PRPH2: variants seen among roughly 807,000 people sequenced by gnomAD.
PRPH2 encodes the protein peripherin 2, also known as peripherin-2.
In PRPH2, 17 loss-of-function variants were observed where a neutral mutation model predicts 31.3. The observed-to-expected ratio is 0.54, with a 90% CI of 0.37 to 0.81. The LOEUF (loss-of-function observed/expected upper bound fraction) is 0.81, where lower values mean the gene tolerates loss of function less well. Among genes scored for constraint, PRPH2 ranks in the 40% least tolerant of loss-of-function variants. PRPH2 has a pLI of 0.00. For missense variants in PRPH2, 430 were observed against 439.7 expected (o/e 0.98, Z 0.20); for synonymous variants, 165 against 184.4 (o/e 0.89, Z 0.85).
chr6:42,711,435 C>G (rs1359135022), intron 1 of PRPH2, among the ~76,000 whole-genome samples: 1 of 152,164 alleles, frequency 6.6e-6, no homozygotes, highest in East Asian at 1.9e-4. Flanking sequence ...CTCAGGCAGC[C>G]CCAGTCTGAG....
rs1000148371 is a variant in PRPH2, at chr6:42,722,531, G to A, written c.-197C>T. The stretch of plus-strand genomic sequence containing the variant: ...ATGCAGTAGTGGTGGCAGGGGTCTC[G>A]GAATCACAGCTTGAGCAGGGGATAG... On this transcript the variant is annotated 5_prime_UTR_variant, in exon 1 of 3. Coordinates refer to ENST00000230381, the MANE Select transcript of PRPH2 (RefSeq NM_000322.5). The surrounding 1 kb of genome is among the most constrained non-coding windows in gnomAD (Gnocchi z 4.4). 32 of 1,455,172 alleles carry A rather than the reference G, an allele frequency of 2.2e-5. No individual in the cohort carries two copies. The highest frequency in any genetic ancestry group is 7.5e-5 in the East Asian group (3 of 39,770). The allele number at this position is 1,455,172 out of a possible 1,614,324, so 90.1% of individuals were successfully genotyped here. A position where few individuals can be genotyped will look rare whatever the true frequency, so the allele number is the denominator to read the frequency against.
intron 1 of PRPH2, among the ~76,000 whole-genome samples, chr6:42,706,050 G>A (rs895644084): frequency 6.6e-6 from 1 of 151,630 alleles, no homozygotes; most frequent in African/African-American, 2.4e-5. Context: ...GTGGGCAGAC[G>A]ACCTGAGGTC....
At chr6:42,708,504 T>TACTGGCCCTCTGGAGGGGCCAGTAGCC (rs1800214532) in intron 1 of PRPH2, among the ~76,000 whole-genome samples, 1 of 152,200 alleles carries the variant, frequency 6.6e-6, no homozygotes, top group Non-Finnish European at 1.5e-5. Context: ...CGCTCCCCTC[T>TACTGGCCCTCTGGAGGGGCCAGTAGCC]ACTGGCCCTC....
At chr6:42,702,084 T>C (rs1800055570) in intron 2 of PRPH2, among the ~76,000 whole-genome samples, 1 of 151,846 alleles carries the variant, frequency 6.6e-6, no homozygotes, top group South Asian at 2.1e-4. Flanking sequence ...CTACTAAAAA[T>C]ACAAAATCAG....
Position 42,698,270 on chromosome 6 carries a change from C to T in PRPH2, c.*25G>A, listed in dbSNP as rs189476016. 9 of 1,612,624 alleles carry T rather than the reference C, an allele frequency of 5.6e-6. No individual in the cohort carries two copies. In the Admixed American group the frequency reaches 8.3e-5, roughly 15 times the overall value. The stretch of plus-strand genomic sequence containing the variant: ...TTGGAGTGCACTATTTCTCAGTGTT[C>T]GGGAGGGGAGGGGCCCCAGGGCCCT... On this transcript the variant is annotated 3_prime_UTR_variant, in exon 3 of 3. Coordinates refer to ENST00000230381, the MANE Select transcript of PRPH2 (RefSeq NM_000322.5).
rs1166763345 is a variant in PRPH2, at chr6:42,721,768, G to A, written c.567C>T (p.Ser189=). The change falls in exon 1 of 3, where the codon TCC becomes TCT. Residue 189 remains serine, a synonymous_variant. Transcript: ENST00000230381. ...AAGCCACTCACTCTTTGACTTCTTT[G>A]GAGGAAAAGTCCAGGTAGCGATTGC... ...WISNRYLDFS[S]KEVKDRIKSN... is the part of the protein sequence containing the mutation. The A allele has an allele frequency of 6.2e-7, 1 of 1,614,032 alleles. No individual in the cohort carries two copies.
At chr6:42,712,913 A>G in intron 1 of PRPH2, among the ~76,000 whole-genome samples, 1 of 151,986 alleles carries the variant, frequency 6.6e-6, no homozygotes, top group East Asian at 1.9e-4. Context: ...GCAATAAAAT[A>G]AGATAAAAGA....
chr6:42,706,401 T>C (rs1439152385), intron 1 of PRPH2, among the ~76,000 whole-genome samples: 1 of 142,530 alleles, frequency 7.0e-6, no homozygotes, highest in Admixed American at 7.0e-5. Context: ...TGAGACTCTG[T>C]CTCAAAAAAA....
At chr6:42,708,417 C>T (rs1449819430) in intron 1 of PRPH2, among the ~76,000 whole-genome samples, 1 of 152,202 alleles carries the variant, frequency 6.6e-6, no homozygotes, top group African/African-American at 2.4e-5. Context: ...GGGCACCGGG[C>T]TGTTGGTGAC....
intron 1 of PRPH2, among the ~76,000 whole-genome samples, chr6:42,708,723 T>C (rs1800218029): frequency 6.6e-6 from 1 of 152,206 alleles, no homozygotes; most frequent in Non-Finnish European, 1.5e-5. Flanking sequence ...GCCAGTGTCC[T>C]GTGGACAGGG....
chr6:42,718,579 G>A (rs939619003), intron 1 of PRPH2, among the ~76,000 whole-genome samples: 9 of 152,160 alleles, frequency 5.9e-5, no homozygotes, highest in Non-Finnish European at 1.0e-4. Context: ...GCCCACTGCA[G>A]TATGAGGTCA....
intron 2 of PRPH2, among the ~76,000 whole-genome samples, 200 bp downstream of exon 2, chr6:42,704,165 G>GAATAAATAAATAAATAAATA (rs59389246): frequency 6.7e-6 from 1 of 150,120 alleles, no homozygotes; most frequent in African/African-American, 2.5e-5. Flanking sequence ...AGAAATAAAT[G>GAATAAATAAATAAATAAATA]AATAAATAAA....
chr6:42,699,788 G>A (rs944863886), intron 2 of PRPH2, among the ~76,000 whole-genome samples: 3 of 152,050 alleles, frequency 2.0e-5, no homozygotes. Context: ...AGCTACCCGG[G>A]TACTTGGGTA....
chr6:42,717,156 T>A lies in PRPH2; in HGVS notation c.581+4598A>T, dbSNP rs1365468458. ...GGCCAGGAGCGGTGGCTCATGCCTG[T>A]AATCCCAGCACTTTGGGAGGCCAAG... On this transcript the variant is annotated intron_variant, in intron 1 of 2. Coordinates refer to ENST00000230381, the MANE Select transcript of PRPH2 (RefSeq NM_000322.5). Among the ~76,000 whole-genome samples, 3 of 149,576 alleles carry A rather than the reference T, an allele frequency of 2.0e-5. No individual in the cohort carries two copies. The East Asian group carries it at 6.3e-4, about 31-fold the overall frequency.
rs114832213 is a variant in PRPH2, at chr6:42,716,084, G to A, written c.581+5670C>T. On this transcript the variant is annotated intron_variant, in intron 1 of 2. Transcript: ENST00000230381. ...CTGGAAATCACTGTCACCAGACACCGCCCATGCCCAGTCTGTGTCAGAGGA... is the reference window on the plus strand; with the variant it reads ...CTGGAAATCACTGTCACCAGACACCACCCATGCCCAGTCTGTGTCAGAGGA... 4.8e-3 allele frequency among the ~76,000 whole-genome samples: 725 copies of A among 152,266 alleles called. 4 individuals are homozygous for A. The highest frequency in any genetic ancestry group is 0.016 in the African/African-American group (658 of 41,550).
At position 42,713,525 on chromosome 6, in the gene PRPH2, G is replaced by A. The variant is rs923602309; in HGVS notation, c.581+8229C>T. ...CGTTATTATCTGAGACGTTGGCACA[G>A]AAGCACTGGAATCCGAACCTAATCC... On this transcript the variant is annotated intron_variant, in intron 1 of 2. Transcript: ENST00000230381. Among the ~76,000 whole-genome samples, 6 of 152,286 alleles carry A rather than the reference G, an allele frequency of 3.9e-5. 1 individual carries two copies. The Middle Eastern group carries it at 0.017, about 432-fold the overall frequency.
At chr6:42,713,993 T>A (rs1473578109) in intron 1 of PRPH2, among the ~76,000 whole-genome samples, 4 of 145,610 alleles carry the variant, frequency 2.7e-5, no homozygotes, top group Non-Finnish European at 4.5e-5. Flanking sequence ...AGACTTCCCG[T>A]ACCCCAAGCA....
chr6:42,705,599 A>AAAAAAAAAAATAGATATATATATAT (rs1562424252), intron 1 of PRPH2, among the ~76,000 whole-genome samples: 1 of 21,600 alleles, frequency 4.6e-5, no homozygotes, highest in Non-Finnish European at 8.4e-5. Context: ...AAAAAAAAAA[A>AAAAAAAAAAATAGATATATATATAT]ATATATATAT....
rs55851577 is a variant in PRPH2 at position 42,697,810 on chromosome 6, TAAAA to T, written c.*481_*484del. ...ACGGCCAACCTGTCAATCTTGGCAT[TAAAA>T]AAAAAAAAAAAAGACAACATGGCCA... On this transcript the variant is annotated 3_prime_UTR_variant, in exon 3 of 3. Transcript: ENST00000230381. 5.6e-5 allele frequency: 8 copies of T among 143,672 alleles called. No homozygotes were observed. The highest frequency in any genetic ancestry group is 2.2e-4 in the South Asian group (1 of 4,604). The allele number at this position is 143,672 out of a possible 1,614,324, so 8.9% of individuals were successfully genotyped here. A position where few individuals can be genotyped will look rare whatever the true frequency, so the allele number is the denominator to read the frequency against.
Sources: gnomAD v4.1 joint callset for allele counts (sites outside exome capture counted in the v4.1 genomes callset) on GRCh38, gnomAD v4.1.1 for gene constraint, Gnocchi (gnomAD v3.1) non-coding constraint, MANE v1.5 for transcripts, NCBI Gene and HGNC (gene_info 2026-07-23, HGNC 2026-07-21) for gene names.